METTL22: variants seen among roughly 807,000 people sequenced by gnomAD.
The protein encoded by METTL22 is methyltransferase 22, Kin17 lysine, also known as methyltransferase-like protein 22.
In METTL22, 51 loss-of-function variants were observed where a neutral mutation model predicts 48.4. The observed-to-expected ratio is 1.05, with a 90% CI of 0.84 to 1.33. METTL22 has a LOEUF of 1.33. Ranked by LOEUF, METTL22 falls within the 40% of genes most tolerant of loss-of-function variation. The probability of loss-of-function intolerance (pLI) is 0.00; values close to 1 mark genes in which losing one functional copy is unlikely to be tolerated. For missense variants in METTL22, 678 were observed against 526.9 expected (o/e 1.29, Z -2.81); for synonymous variants, 255 against 214.1 (o/e 1.19, Z -1.67).
At position 8,641,326 on chromosome 16, in the gene METTL22, T is replaced by C. The variant is rs555256794; in HGVS notation, c.826+142T>C. ...ATCGGCGCATGGCAGCTTCTCTCCA[T>C]TGGCCGATGAGCACCAGCTGTCATT... On this transcript the variant is annotated intron_variant, in intron 7 of 10. Transcript: ENST00000381920. The C allele has an allele frequency of 5.0e-6, 4 of 799,274 alleles. No individual in the cohort carries two copies. The African/African-American group carries it at 5.1e-5, about 10-fold the overall frequency. 49.5% of individuals were successfully genotyped at this position (799,274 alleles called of 1,614,324 possible).
the METTL22 span, among the ~76,000 whole-genome samples, chr16:8,662,113 G>T: frequency 1.4e-5 from 2 of 145,350 alleles, no homozygotes; most frequent in Non-Finnish European, 3.0e-5. Flanking sequence ...GCAGTGGCAC[G>T]TGTCCGTAGT....
chr16:8,630,255 G>A (rs1393364919), intron 3 of METTL22, among the ~76,000 whole-genome samples: 1 of 152,202 alleles, frequency 6.6e-6, no homozygotes, highest in Admixed American at 6.5e-5. Flanking sequence ...GTTCTAGACT[G>A]TCCCAGAGAG....
the METTL22 span, among the ~76,000 whole-genome samples, chr16:8,655,656 G>A: frequency 3.9e-5 from 6 of 152,228 alleles, no homozygotes; most frequent in African/African-American, 1.2e-4. Context: ...CTGCCCACAA[G>A]AGAGATGCAA....
At position 8,625,248 on chromosome 16, in the gene METTL22, A is replaced by G. The variant is rs2056006290; in HGVS notation, c.-170-248A>G. Among the ~76,000 whole-genome samples, 3 of 152,160 alleles carry G rather than the reference A, an allele frequency of 2.0e-5. No homozygotes were observed. The South Asian group carries it at 6.2e-4, about 31-fold the overall frequency. On this transcript the variant is annotated intron_variant, in intron 1 of 10. Transcript: ENST00000381920. ...CCAGAGAGGGCAGGCACGTGTGGCA[A>G]AATGGTGAGGATCATTGAATCTAAG...
At chr16:8,622,116 G>T (rs1471320216) in intron 1 of METTL22, among the ~76,000 whole-genome samples, 1 of 152,172 alleles carries the variant, frequency 6.6e-6, no homozygotes. Context: ...AGCCCCACGG[G>T]GGACGTCCCC....
At chr16:8,638,747 G>A (rs917450090) in intron 5 of METTL22, among the ~76,000 whole-genome samples, 2 of 152,154 alleles carry the variant, frequency 1.3e-5, no homozygotes, top group African/African-American at 4.8e-5. Flanking sequence ...CCGTGAAATG[G>A]GATTCATGAT....
Position 8,625,629 on chromosome 16 carries a change from G to C in METTL22, c.-37G>C, listed in dbSNP as rs1229657711. On this transcript the variant is annotated 5_prime_UTR_variant, in exon 2 of 11. Transcript: ENST00000381920. ...GCTGAGGACCCATTCTCACCTCTGAGGGACTCCTGTCCTAGGACTAAGGTG... is the reference window on the plus strand; with the variant it reads ...GCTGAGGACCCATTCTCACCTCTGACGGACTCCTGTCCTAGGACTAAGGTG... The C allele has an allele frequency of 6.2e-7, 1 of 1,612,420 alleles. No homozygotes were observed. The highest frequency in any genetic ancestry group is 8.5e-7 in the Non-Finnish European group (1 of 1,179,230).
intron 9 of METTL22, chr16:8,643,025 A>C (rs1017847803): frequency 9.3e-5 from 17 of 182,012 alleles, no homozygotes; most frequent in African/African-American, 3.9e-4. Context: ...CATTTCCACT[A>C]GAATATCCTG....
At chr16:8,629,256 C>T (rs2056173379) in intron 3 of METTL22, 146 bp downstream of exon 3, 2 of 1,035,996 alleles carry the variant, frequency 1.9e-6, no homozygotes, top group Non-Finnish European at 2.8e-6. Flanking sequence ...TGGGGAAGCT[C>T]TCCACAACCC....
chr16:8,643,567 G>A (rs954028322), intron 9 of METTL22, among the ~76,000 whole-genome samples: 8 of 152,222 alleles, frequency 5.3e-5, no homozygotes, highest in African/African-American at 1.9e-4. Flanking sequence ...AGAGTGGCTG[G>A]AAGTGGACAG....
chr16:8,641,301 A>G, intron 7 of METTL22, 117 bp downstream of exon 7: 3 of 994,940 alleles, frequency 3.0e-6, no homozygotes, highest in Non-Finnish European at 4.8e-6. Flanking sequence ...CCACAGTCCC[A>G]TCGGCGCATG....
chr16:8,658,483 G>C, the METTL22 span, among the ~76,000 whole-genome samples: 1 of 152,138 alleles, frequency 6.6e-6, no homozygotes, highest in Non-Finnish European at 1.5e-5. Flanking sequence ...ACAGGGAATG[G>C]GGAGGAAGTC....
At chr16:8,635,690 C>T (rs943347693) in intron 5 of METTL22, among the ~76,000 whole-genome samples, 1 of 152,176 alleles carries the variant, frequency 6.6e-6, no homozygotes, top group African/African-American at 2.4e-5. Context: ...AGAAGCCTTG[C>T]CCATTCTTTG....
In METTL22 at chr16:8,646,194, C is replaced by G. The variant is rs761820787; in HGVS notation, c.*51C>G. On this transcript the variant is annotated 3_prime_UTR_variant, in exon 11 of 11. Transcript: ENST00000381920. ...TCTCGACTGTTCTTAGAGTGTATTT[C>G]TAGTAAAATCAGAAGCTCACCAAAG... 1.9e-6 allele frequency: 3 copies of G among 1,604,064 alleles called. No homozygotes were observed. Among genetic ancestry groups the G allele is most frequent in the Admixed American group, 3.4e-5 (2 of 59,660 alleles).
chr16:8,634,808 C>T (rs1298752440), intron 3 of METTL22, among the ~76,000 whole-genome samples: 1 of 152,194 alleles, frequency 6.6e-6, no homozygotes, highest in Non-Finnish European at 1.5e-5. Flanking sequence ...TACCCAGTTA[C>T]ATGAAAGAGT....
intron 7 of METTL22, chr16:8,641,388 C>T (rs1641055): frequency 1 from 668,456 of 671,184 alleles, 332,925 homozygotes; most frequent in East Asian, 1. Context: ...ACCTCACGTT[C>T]ATTTTCTTCT....
chr16:8,634,290 G>C (rs2056357343), intron 3 of METTL22, among the ~76,000 whole-genome samples: 1 of 152,194 alleles, frequency 6.6e-6, no homozygotes, highest in South Asian at 2.1e-4. Flanking sequence ...ATTGGCGATA[G>C]CTGTTACCAT....
chr16:8,635,456 C>T (rs1218664047), intron 5 of METTL22, 144 bp downstream of exon 5: 1 of 985,182 alleles, frequency 1.0e-6, no homozygotes, highest in Non-Finnish European at 1.4e-6. Context: ...GCCCTCTCCA[C>T]TCTCCATTTA....
rs1486139162 is a variant in METTL22 at position 8,625,712 on chromosome 16, G to T, written c.47G>T (p.Arg16Met). 2 of 1,614,058 alleles carry T rather than the reference G, an allele frequency of 1.2e-6. No homozygotes were observed. The highest frequency in any genetic ancestry group is 1.7e-6 in the Non-Finnish European group (2 of 1,180,036). The stretch of plus-strand genomic sequence containing the variant: ...GCAGCCATGGACGAGGTCACCTTTA[G>T]GAGCGACACTGTGCTGTCAGATGTC... ...PAAAMDEVTF[R>M]SDTVLSDVHL... Residue 16 changes from arginine to methionine, a missense_variant, in exon 2 of 11, where the codon AGG (arginine) becomes ATG (methionine). By Grantham distance (91) the Arg-to-Met change is moderately conservative. Transcript: ENST00000381920.
Sources: gnomAD v4.1 joint callset for allele counts (sites outside exome capture counted in the v4.1 genomes callset) on GRCh38, gnomAD v4.1.1 for gene constraint, MANE v1.5 for transcripts, NCBI Gene and HGNC (gene_info 2026-07-23, HGNC 2026-07-21) for gene names.